AP3B2: variants seen among roughly 807,000 people sequenced by gnomAD.
AP3B2 encodes the protein adaptor related protein complex 3 subunit beta 2.
Under a neutral mutation model 126.9 loss-of-function variants are expected in AP3B2, and 50 were observed. The ratio of observed to expected loss-of-function variants is 0.39; its 90% CI spans 0.31 to 0.50. AP3B2 has a LOEUF of 0.50. Ranked by LOEUF, AP3B2 falls within the 20% of genes least tolerant of loss-of-function variation. AP3B2 has a pLI of 0.79. For missense variants in AP3B2, 1,177 were observed against 1,426.4 expected (o/e 0.83, Z 2.82); for synonymous variants, 541 against 565.0 (o/e 0.96, Z 0.60).
At chr15:82,689,699 T>C (rs2048491467) in intron 1 of AP3B2, 3 of 526,704 alleles carry the variant, frequency 5.7e-6, no homozygotes, top group Non-Finnish European at 1.0e-5. Flanking sequence ...CCCTAGTACC[T>C]CAGAATGTAA....
At chr15:82,701,539 T>C (rs2048719695) in intron 1 of AP3B2, among the ~76,000 whole-genome samples, 1 of 152,242 alleles carries the variant, frequency 6.6e-6, no homozygotes, top group African/African-American at 2.4e-5. Context: ...CACTGTTTTA[T>C]CTACTTACCA....
chr15:82,701,825 T>C (rs975345476), intron 1 of AP3B2, among the ~76,000 whole-genome samples: 10 of 152,254 alleles, frequency 6.6e-5, no homozygotes, highest in African/African-American at 1.9e-4. Context: ...CTGTTCTCCT[T>C]ACTTTGCCAG....
In AP3B2 at chr15:82,659,591, A is replaced by T; in HGVS notation, c.3275T>A (p.Val1092Glu). ...GGTCAGAGCCTGTATCACATCCTTT[A>T]CCAGCATGGTGCCAATCACCATTTT... ...SEKMVIGTML[V>E]KDVIQALTQ The change falls in exon 27 of 27, where the codon GTA becomes GAA. Residue 1092 changes from valine to glutamate, a missense_variant. Around this residue, in one of 5 missense-constraint regions of AP3B2, gnomAD observed 587 missense variants for 571.3 expected, o/e 1.03. Coordinates refer to ENST00000535359, the MANE Select transcript of AP3B2 (RefSeq NM_001278512.2). 6.2e-7 allele frequency: 1 copy of T among 1,613,864 alleles called. No individual in the cohort carries two copies. The highest frequency in any genetic ancestry group is 8.5e-7 in the Non-Finnish European group (1 of 1,179,870).
intron 1 of AP3B2, among the ~76,000 whole-genome samples, chr15:82,708,372 T>G (rs915567269): frequency 1.3e-5 from 2 of 151,960 alleles, no homozygotes; most frequent in African/African-American, 4.8e-5. Context: ...AAAGCCTGTT[T>G]GGTGGTCTCT....
intron 1 of AP3B2, among the ~76,000 whole-genome samples, chr15:82,703,066 C>T (rs192883409): frequency 6.6e-6 from 1 of 152,202 alleles, no homozygotes; most frequent in East Asian, 1.9e-4. Flanking sequence ...ACAGGAAATG[C>T]ATTTTATCTG....
intron 3 of AP3B2, 147 bp from the exon 4 acceptor site, chr15:82,688,978 G>T: frequency 1.0e-6 from 1 of 988,202 alleles, no homozygotes; most frequent in Non-Finnish European, 1.5e-6. Context: ...AGTGTATCCG[G>T]GTCCTTTACC....
In AP3B2 at chr15:82,664,305, T is replaced by C. The variant is rs897110034; in HGVS notation, c.2261+62A>G. 2.1e-5 allele frequency: 34 copies of C among 1,610,138 alleles called. No individual in the cohort carries two copies. Among genetic ancestry groups the C allele is most frequent in the Non-Finnish European group, 2.8e-5 (33 of 1,179,384 alleles). ...TAGGAGACTGGCTAAAGCTCAATGC[T>C]AGCCCTCTTTCCAGGAAAGCCCCCT... On this transcript the variant is annotated intron_variant, in intron 19 of 26. Transcript: ENST00000535359. The surrounding 1 kb of genome is among the most constrained non-coding windows in gnomAD (Gnocchi z 4.5).
At chr15:82,691,811 G>T in intron 1 of AP3B2, 1 of 1,441,530 alleles carries the variant, frequency 6.9e-7, no homozygotes, top group Non-Finnish European at 9.7e-7. Context: ...CCGAGACTGT[G>T]AGTAGCCATA....
chr15:82,699,944 C>T (rs1259494557), intron 1 of AP3B2: 1 of 398,978 alleles, frequency 2.5e-6, no homozygotes, highest in South Asian at 1.3e-4. Context: ...CACCAGATGG[C>T]CCGCCCCCAA....
chr15:82,689,260 G>T, intron 2 of AP3B2, 28 bp from the exon 3 acceptor site: 1 of 1,613,674 alleles, frequency 6.2e-7, no homozygotes, highest in Non-Finnish European at 8.5e-7. Context: ...GGTAGGGGAA[G>T]AGGGACAAAG....
At position 82,659,344 on chromosome 15, in the gene AP3B2, G is replaced by T; in HGVS notation, c.*216C>A. The T allele has an allele frequency of 1.9e-6, 1 of 529,378 alleles. No homozygotes were observed. Among genetic ancestry groups the T allele is most frequent in the Non-Finnish European group, 3.3e-6 (1 of 301,832 alleles). The allele number at this position is 529,378 out of a possible 1,614,324, so 32.8% of individuals were successfully genotyped here. The stretch of plus-strand genomic sequence containing the variant: ...GCTACAGAAATCTGGGAGGACTGAA[G>T]GGAGTGGCTGCCATCTCTCTCTGCA... On this transcript the variant is annotated 3_prime_UTR_variant, in exon 27 of 27. Coordinates refer to ENST00000535359, the MANE Select transcript of AP3B2 (RefSeq NM_001278512.2).
chr15:82,674,342 G>A (rs2048208378), intron 14 of AP3B2, among the ~76,000 whole-genome samples: 1 of 152,212 alleles, frequency 6.6e-6, no homozygotes, highest in Admixed American at 6.5e-5. Context: ...TGGGAAGAAA[G>A]GAGAAAGAAA....
intron 1 of AP3B2, among the ~76,000 whole-genome samples, chr15:82,706,390 T>C (rs2048795960): frequency 6.6e-6 from 1 of 152,250 alleles, no homozygotes; most frequent in African/African-American, 2.4e-5. Context: ...CAAAAAGCTT[T>C]CCTCATTACA....
chr15:82,700,397 C>CTTTTT lies in AP3B2; in HGVS notation c.113+9192_113+9196dup, dbSNP rs1226910164. 1.1e-3 allele frequency among the ~76,000 whole-genome samples: 39 copies of CTTTTT among 35,096 alleles called. 15 individuals are homozygous for CTTTTT. The highest frequency in any genetic ancestry group is 2.3e-3 in the East Asian group (2 of 854). 23.0% of individuals were successfully genotyped at this position (35,096 alleles called of 152,430 possible). ...CCACTGGCCTGCCAGTGGTGGGTGG[C>CTTTTT]TTTTTTTTTTTTTTTTTTCAGATGG... is the stretch of plus-strand genomic sequence containing the variant. On this transcript the variant is annotated intron_variant, in intron 1 of 26. Coordinates refer to ENST00000535359, the MANE Select transcript of AP3B2 (RefSeq NM_001278512.2).
chr15:82,673,190 GA>G (rs2048186764), intron 14 of AP3B2, among the ~76,000 whole-genome samples: 1 of 152,164 alleles, frequency 6.6e-6, no homozygotes, highest in Admixed American at 6.5e-5. Flanking sequence ...TGTGAAAGTA[GA>G]AAAAAATTTG....
chr15:82,659,466 T>A lies in AP3B2; in HGVS notation c.*94A>T, dbSNP rs562790793. ...TGAATGCTATCTGGCATGAGGAGGA[T>A]GATGAGAGAGAGAGAGAAAGATGAG... is the stretch of plus-strand genomic sequence containing the variant. On this transcript the variant is annotated 3_prime_UTR_variant, in exon 27 of 27. Coordinates refer to ENST00000535359, the MANE Select transcript of AP3B2 (RefSeq NM_001278512.2). 1 of 1,505,174 alleles carries A rather than the reference T, an allele frequency of 6.6e-7. No individual in the cohort carries two copies. The highest frequency in any genetic ancestry group is 9.1e-7 in the Non-Finnish European group (1 of 1,103,934). The allele number at this position is 1,505,174 out of a possible 1,614,324, so 93.2% of individuals were successfully genotyped here.
In AP3B2 at chr15:82,665,503, G is replaced by T. The variant is rs751484351; in HGVS notation, c.1925C>A (p.Pro642Gln). 2 of 1,613,898 alleles carry T rather than the reference G, an allele frequency of 1.2e-6. No homozygotes were observed. Among genetic ancestry groups the T allele is most frequent in the East Asian group, 4.5e-5 (2 of 44,874 alleles). The change falls in exon 16 of 27, where the codon CCA (proline) becomes CAA (glutamine). Residue 642 changes from proline (P) to glutamine (Q), a missense_variant. Around this residue, in one of 5 missense-constraint regions of AP3B2, gnomAD observed 308 missense variants for 452.4 expected, o/e 0.68. Transcript: ENST00000535359. This position sits in a 1 kb window ranked among gnomAD's most constrained non-coding sequence, Gnocchi z 4.4. ...NAKATGYQELPDWPEEAPDPS... is the reference protein window; with the variant it reads ...NAKATGYQELQDWPEEAPDPS... ...GTCTGGGGCTTCCTCCGGCCAGTCT[G>T]GGAGCTCCTGGTAGCCTGTGGCCTT...
chr15:82,693,224 T>C (rs1468527153), intron 1 of AP3B2, among the ~76,000 whole-genome samples: 1 of 98,312 alleles, frequency 1.0e-5, no homozygotes, highest in African/African-American at 4.1e-5. Context: ...CTTAAATAAA[T>C]GCTATTGGGA....
chr15:82,672,734 C>T (rs1364462507), intron 14 of AP3B2, among the ~76,000 whole-genome samples: 1 of 152,124 alleles, frequency 6.6e-6, no homozygotes, highest in Non-Finnish European at 1.5e-5. Context: ...AATATATACA[C>T]CTACTATGTA....
Sources: allele counts gnomAD v4.1 joint callset (sites outside exome capture counted in the v4.1 genomes callset), GRCh38; gene constraint gnomAD v4.1.1; regional missense constraint gnomAD v4.1.1; non-coding constraint Gnocchi (gnomAD v3.1); transcripts MANE v1.5; gene names NCBI Gene and HGNC (gene_info 2026-07-23, HGNC 2026-07-21).